The following VPS54 variants were observed in gnomAD, a reference collection of about 807,000 sequenced individuals.
VPS54 encodes the protein VPS54 subunit of GARP complex.
In VPS54, 45 loss-of-function variants were observed where a neutral mutation model predicts 121.5. That is an observed-to-expected ratio of 0.37 (90% CI 0.29 to 0.47). The LOEUF (loss-of-function observed/expected upper bound fraction) is 0.47. VPS54 is among the 20% of genes least tolerant of loss of function. The pLI is 0.99. For synonymous variants in VPS54, 371 were observed against 385.8 expected, an observed-to-expected ratio of 0.96 and a Z score of 0.45; for missense variants, 1,090 against 1,131.4, an observed-to-expected ratio of 0.96 and a Z score of 0.52.
chr2:63,983,703 A>T (rs1460274329), intron 2 of VPS54, among the ~76,000 whole-genome samples, 161 bp downstream of exon 2: 2 of 151,910 alleles, frequency 1.3e-5, no homozygotes, highest in Non-Finnish European at 2.9e-5. Flanking sequence ...CAGCCTCCCA[A>T]AGTGCTGGGA....
chr2:63,924,516 G>C (rs1040375411), intron 12 of VPS54, among the ~76,000 whole-genome samples: 3 of 152,144 alleles, frequency 2.0e-5, no homozygotes, highest in Non-Finnish European at 2.9e-5. Context: ...TAATCTCCCA[G>C]ATATTAATAT....
intron 1 of VPS54, among the ~76,000 whole-genome samples, chr2:63,991,914 G>A (rs1418132663): frequency 1.3e-5 from 2 of 152,170 alleles, no homozygotes; most frequent in Admixed American, 6.5e-5. Context: ...TGGGGCGGTC[G>A]ATCTCTGTAG....
chr2:63,973,989 T>A (rs942236241), intron 3 of VPS54, among the ~76,000 whole-genome samples: 10 of 152,250 alleles, frequency 6.6e-5, no homozygotes, highest in Non-Finnish European at 1.5e-5. Flanking sequence ...CTTTCATGGA[T>A]TGTGCTTTTC....
intron 12 of VPS54, among the ~76,000 whole-genome samples, chr2:63,925,859 C>CT (rs1356723818): frequency 6.6e-6 from 1 of 152,158 alleles, no homozygotes; most frequent in Admixed American, 6.5e-5. Flanking sequence ...TTCTGAAGAG[C>CT]TGGTAAAGTT....
chr2:63,962,045 T>G lies in VPS54; in HGVS notation c.1010+13A>C. The G allele has an allele frequency of 1.3e-6, 2 of 1,535,004 alleles. No homozygotes were observed. Among genetic ancestry groups the G allele is most frequent in the Non-Finnish European group, 1.8e-6 (2 of 1,137,212 alleles). On this transcript the variant is annotated intron_variant, in intron 7 of 22. Coordinates refer to ENST00000272322, the MANE Select transcript of VPS54 (RefSeq NM_016516.3). ...TCTAACATTATTTCTAGTGGCTTAC[T>G]TAATGAACATACCGGAAACTGTGAA...
intron 1 of VPS54, among the ~76,000 whole-genome samples, chr2:64,000,159 C>T (rs186921709): frequency 4.7e-4 from 71 of 152,196 alleles, no homozygotes; most frequent in Non-Finnish European, 8.5e-4. Context: ...CACACCCGGC[C>T]GATCAACTGC....
chr2:63,928,925 C>A (rs1410345110), intron 12 of VPS54, among the ~76,000 whole-genome samples: 1 of 151,480 alleles, frequency 6.6e-6, no homozygotes, highest in Non-Finnish European at 1.5e-5. Context: ...ACAAAGAAGA[C>A]CATTATATAA....
chr2:63,975,601 G>A (rs1329374816), intron 3 of VPS54: 2 of 152,384 alleles, frequency 1.3e-5, no homozygotes, highest in Non-Finnish European at 2.9e-5. Flanking sequence ...CCCAGGAACT[G>A]ACTCAGCACA....
chr2:63,959,960 C>A (rs747536093), intron 7 of VPS54, among the ~76,000 whole-genome samples: 1 of 152,044 alleles, frequency 6.6e-6, no homozygotes, highest in Non-Finnish European at 1.5e-5. Flanking sequence ...GAGGAGGTTG[C>A]AGTGAACCGA....
chr2:63,923,120 T>A (rs1001851729), intron 12 of VPS54, among the ~76,000 whole-genome samples: 1 of 152,048 alleles, frequency 6.6e-6, no homozygotes, highest in Non-Finnish European at 1.5e-5. Context: ...GAGATCATCC[T>A]GGCTAACACA....
chr2:64,006,234 T>A (rs1369626146), intron 1 of VPS54, among the ~76,000 whole-genome samples: 1 of 152,242 alleles, frequency 6.6e-6, no homozygotes, highest in African/African-American at 2.4e-5. Context: ...TCACAGAAAG[T>A]GTGTAAGACA....
intron 7 of VPS54, among the ~76,000 whole-genome samples, chr2:63,957,252 C>G (rs865919638): frequency 1.1e-4 from 16 of 151,914 alleles, no homozygotes; most frequent in Admixed American, 1.3e-4. Flanking sequence ...GCCATCCTGG[C>G]TAACACGGTG....
chr2:64,014,665 C>T (rs1678596652), intron 1 of VPS54, among the ~76,000 whole-genome samples: 1 of 152,220 alleles, frequency 6.6e-6, no homozygotes, highest in Non-Finnish European at 1.5e-5. Context: ...TATATTCCTT[C>T]CTAATTTGAT....
intron 21 of VPS54, among the ~76,000 whole-genome samples, chr2:63,898,345 C>G (rs1321091966): frequency 6.6e-6 from 1 of 152,034 alleles, no homozygotes; most frequent in Non-Finnish European, 1.5e-5. Context: ...GATGGCTTGG[C>G]TAAGAAGAAA....
chr2:63,972,263 A>T lies in VPS54; in HGVS notation c.379-19T>A. ...TCTCTCTCTAATAAAAAGACAAATA[A>T]CATCATCAATGTATGTGTAAACATG... On this transcript the variant is annotated intron_variant, in intron 3 of 22. Coordinates refer to ENST00000272322, the MANE Select transcript of VPS54 (RefSeq NM_016516.3). The T allele has an allele frequency of 1.9e-6, 3 of 1,542,734 alleles. No homozygotes were observed. Among genetic ancestry groups the T allele is most frequent in the Non-Finnish European group, 2.7e-6 (3 of 1,124,148 alleles).
At chr2:64,002,356 T>C (rs1220367705) in intron 1 of VPS54, among the ~76,000 whole-genome samples, 2 of 152,212 alleles carry the variant, frequency 1.3e-5, no homozygotes, top group Non-Finnish European at 2.9e-5. Flanking sequence ...TGGTGTGTAG[T>C]TGTTAAATTT....
intron 6 of VPS54, among the ~76,000 whole-genome samples, chr2:63,963,591 A>G (rs1021676813): frequency 2.0e-5 from 3 of 152,154 alleles, no homozygotes; most frequent in Admixed American, 6.5e-5. Flanking sequence ...AAGGAAACAC[A>G]GAGTATCATT....
chr2:63,901,738 G>A (rs894891785), intron 20 of VPS54, among the ~76,000 whole-genome samples: 4 of 152,062 alleles, frequency 2.6e-5, no homozygotes, highest in African/African-American at 4.8e-5. Context: ...CTCCTGGGCC[G>A]GGCATGGTGG....
Position 63,895,347 on chromosome 2 carries a change from G to C in VPS54, c.2829-1812C>G, listed in dbSNP as rs563979943. 1.1e-4 allele frequency among the ~76,000 whole-genome samples: 17 copies of C among 152,260 alleles called. No homozygotes were observed. In the East Asian group the frequency reaches 3.3e-3, roughly 29 times the overall value. On this transcript the variant is annotated intron_variant, in intron 22 of 22. Transcript: ENST00000272322. ...CACGTGCCTGTAATCCCAGCTACTT[G>C]GGAGGCTGAGGCAGGAGAATTGCTT... is the stretch of plus-strand genomic sequence containing the variant.
Sources: gnomAD v4.1 joint callset for allele counts (sites outside exome capture counted in the v4.1 genomes callset) on GRCh38, gnomAD v4.1.1 for gene constraint, MANE v1.5 for transcripts, NCBI Gene and HGNC (gene_info 2026-07-23, HGNC 2026-07-21) for gene names.